Variants in HNRNPC observed in about 807,000 individuals in gnomAD.
The protein encoded by HNRNPC is heterogeneous nuclear ribonucleoproteins C1/C2.
Under a neutral mutation model 33.2 loss-of-function variants are expected in HNRNPC, and 3 were observed. That is an observed-to-expected ratio of 0.09 (90% CI 0.04 to 0.23). HNRNPC has a LOEUF of 0.23. HNRNPC is among the 10% of genes least tolerant of loss of function. HNRNPC has a pLI of 1.00. For missense variants in HNRNPC, 143 were observed against 366.7 expected (o/e 0.39, Z 4.98); for synonymous variants, 121 against 126.7 (o/e 0.96, Z 0.30).
At chr14:21,242,207 A>G (rs769343841) in intron 2 of HNRNPC, among the ~76,000 whole-genome samples, 1 of 152,212 alleles carries the variant, frequency 6.6e-6, no homozygotes, top group Non-Finnish European at 1.5e-5. Context: ...GTGTGGGGCC[A>G]GGCAAGGTGG....
At chr14:21,212,347 A>G (rs1891707089) in intron 6 of HNRNPC, among the ~76,000 whole-genome samples, 2 of 152,060 alleles carry the variant, frequency 1.3e-5, no homozygotes. Flanking sequence ...TTACAGGAGG[A>G]GTTCAATATA....
chr14:21,243,762 G>T (rs1454715932), intron 2 of HNRNPC, among the ~76,000 whole-genome samples: 1 of 152,050 alleles, frequency 6.6e-6, no homozygotes, highest in Non-Finnish European at 1.5e-5. Context: ...TGTTTGCTTG[G>T]AACTGAATCT....
At chr14:21,233,826 TTAGGC>T (rs1297448889) in intron 3 of HNRNPC, 122 bp downstream of exon 3, 1 of 1,168,610 alleles carries the variant, frequency 8.6e-7, no homozygotes, top group Non-Finnish European at 1.2e-6. Flanking sequence ...TGTATTTTTA[TTAGGC>T]TAAACAGTCG....
rs188764884 is a variant in HNRNPC, at chr14:21,218,658, G to C, written c.366-5541C>G. Among the ~76,000 whole-genome samples, 6 of 114,214 alleles carry C rather than the reference G, an allele frequency of 5.3e-5. No individual in the cohort carries two copies. The Admixed American group carries it at 6.7e-4, about 13-fold the overall frequency. 74.9% of individuals were successfully genotyped at this position (114,214 alleles called of 152,430 possible). On this transcript the variant is annotated intron_variant, in intron 5 of 8. Coordinates refer to ENST00000553300, the MANE Select transcript of HNRNPC (RefSeq NM_004500.4). Reference sequence around the variant, plus strand: ...GATCGCACCACTGCATTCCAGCCTGGGAGACAAAGCGAAACTCTCTCTCAA... The same window carrying C: ...GATCGCACCACTGCATTCCAGCCTGCGAGACAAAGCGAAACTCTCTCTCAA...
At chr14:21,243,886 C>CGG (rs1566627095) in intron 2 of HNRNPC, among the ~76,000 whole-genome samples, 1 of 152,138 alleles carries the variant, frequency 6.6e-6, no homozygotes, top group East Asian at 1.9e-4. Context: ...ATAATAATTA[C>CGG]ATATTAGTAA....
At chr14:21,251,949 T>C (rs1175554108) in intron 2 of HNRNPC, among the ~76,000 whole-genome samples, 3 of 152,194 alleles carry the variant, frequency 2.0e-5, no homozygotes, top group Admixed American at 1.3e-4. Context: ...TTTAGACAGG[T>C]ATAACAAAAT....
intron 2 of HNRNPC, among the ~76,000 whole-genome samples, chr14:21,251,553 G>A (rs1470480273): frequency 6.6e-6 from 1 of 151,912 alleles, no homozygotes. Context: ...GTAGTGGTGG[G>A]TGCCTGTAAT....
chr14:21,226,895 A>AAAAG (rs1491109668), intron 5 of HNRNPC, among the ~76,000 whole-genome samples: 17 of 106,648 alleles, frequency 1.6e-4, no homozygotes, highest in Non-Finnish European at 2.3e-4. Context: ...AAAAAAAAAA[A>AAAAG]GGGGGGGGGG....
chr14:21,265,249 T>C (rs983612434), intron 1 of HNRNPC: 3 of 152,224 alleles, frequency 2.0e-5, no homozygotes, highest in African/African-American at 7.2e-5. Context: ...AATACAGTTA[T>C]GGTGAAACAT....
At chr14:21,219,392 T>G (rs1053661573) in intron 5 of HNRNPC, among the ~76,000 whole-genome samples, 1 of 152,238 alleles carries the variant, frequency 6.6e-6, no homozygotes, top group Non-Finnish European at 1.5e-5. Context: ...GTGTTTTCTA[T>G]GCTGACTCCA....
intron 5 of HNRNPC, among the ~76,000 whole-genome samples, chr14:21,220,489 A>G (rs1216379758): frequency 6.6e-6 from 1 of 152,190 alleles, no homozygotes; most frequent in East Asian, 1.9e-4. Context: ...TCGGCCTCCC[A>G]AAGTGCTGGG....
At chr14:21,241,904 T>G (rs1895389972) in intron 2 of HNRNPC, among the ~76,000 whole-genome samples, 1 of 152,202 alleles carries the variant, frequency 6.6e-6, no homozygotes, top group South Asian at 2.1e-4. Context: ...GAACACATTA[T>G]GTTAACTGCT....
chr14:21,217,156 A>G (rs1892277876), intron 5 of HNRNPC, among the ~76,000 whole-genome samples: 2 of 152,238 alleles, frequency 1.3e-5, no homozygotes, highest in Non-Finnish European at 1.5e-5. Flanking sequence ...ATGGACTCTC[A>G]TTCACATCTG....
rs975752787 is a variant in HNRNPC at position 21,209,700 on chromosome 14, A to G, written c.*1523T>C. The G allele has an allele frequency of 6.6e-6, 1 of 152,206 alleles. No individual in the cohort carries two copies. Among genetic ancestry groups the G allele is most frequent in the African/African-American group, 2.4e-5 (1 of 41,438 alleles). 9.4% of individuals were successfully genotyped at this position (152,206 alleles called of 1,614,324 possible). A position where few individuals can be genotyped will look rare whatever the true frequency, so the allele number is the denominator to read the frequency against. On this transcript the variant is annotated 3_prime_UTR_variant, in exon 9 of 9. Transcript: ENST00000553300. Reference sequence around the variant, plus strand: ...GTTTTGCCTGTAATGAGTAGGATGAAAAAAGGCCAGTGCCGCATGCTATGA... The same window carrying G: ...GTTTTGCCTGTAATGAGTAGGATGAGAAAAGGCCAGTGCCGCATGCTATGA...
chr14:21,256,923 G>A (rs1478754928), intron 2 of HNRNPC, among the ~76,000 whole-genome samples: 1 of 152,000 alleles, frequency 6.6e-6, no homozygotes, highest in East Asian at 1.9e-4. Context: ...CAAAGTGCTG[G>A]GATTACAGGC....
chr14:21,226,878 CA>C (rs71419112), intron 5 of HNRNPC, among the ~76,000 whole-genome samples: 8 of 39,040 alleles, frequency 2.0e-4, no homozygotes, highest in Non-Finnish European at 2.7e-4. Flanking sequence ...GACTCCATCT[CA>C]AAAAAAAAAA....
chr14:21,251,435 T>G (rs1284367687), intron 2 of HNRNPC, among the ~76,000 whole-genome samples: 1 of 151,392 alleles, frequency 6.6e-6, no homozygotes, highest in Non-Finnish European at 1.5e-5. Context: ...TCCCAACACT[T>G]TGGGAGGCAG....
intron 5 of HNRNPC, among the ~76,000 whole-genome samples, chr14:21,222,040 CAAAAAAAAAAAAA>C (rs71112558): frequency 3.0e-5 from 2 of 65,692 alleles, no homozygotes; most frequent in African/African-American, 6.2e-5. Context: ...GACTCCGTCT[CAAAAAAAAAAAAA>C]AAAAAAAAAA....
At chr14:21,255,483 G>A (rs1877018414) in intron 2 of HNRNPC, among the ~76,000 whole-genome samples, 1 of 152,234 alleles carries the variant, frequency 6.6e-6, no homozygotes. Context: ...TAGTCTATGT[G>A]CTCAAATGCT....
Sources: gnomAD v4.1 joint callset for allele counts (sites outside exome capture counted in the v4.1 genomes callset) on GRCh38, gnomAD v4.1.1 for gene constraint, MANE v1.5 for transcripts, NCBI Gene and HGNC (gene_info 2026-07-23, HGNC 2026-07-21) for gene names.